The following AFF2 variants were observed in gnomAD, a reference collection of about 807,000 sequenced individuals.
The protein encoded by AFF2 is AF4/FMR2 family member 2.
A neutral mutation model predicts 76.9 loss-of-function variants in AFF2; 14 were observed. The ratio of observed to expected loss-of-function variants is 0.18; its 90% CI spans 0.12 to 0.28. The LOEUF is 0.28. AFF2 is among the 10% of genes least tolerant of loss of function. The pLI is 1.00. For synonymous variants in AFF2, 398 were observed against 366.7 expected, an observed-to-expected ratio of 1.09 and a Z score of -0.98; for missense variants, 868 against 1,001.1, an observed-to-expected ratio of 0.87 and a Z score of 1.79.
intron 3 of AFF2, among the ~76,000 whole-genome samples, chrX:148,756,043 A>G (rs1557266867): frequency 8.9e-6 from 1 of 112,254 alleles, no homozygotes; most frequent in Non-Finnish European, 1.9e-5. Flanking sequence ...GGATTCATAT[A>G]AAATAGGCTT....
At chrX:148,745,426 T>C (rs1311026441) in intron 3 of AFF2, among the ~76,000 whole-genome samples, 2 of 112,146 alleles carry the variant, frequency 1.8e-5, no homozygotes, top group African/African-American at 6.5e-5. Flanking sequence ...TCCGGAATTA[T>C]ATTTTTAGAA....
intron 8 of AFF2, among the ~76,000 whole-genome samples, chrX:148,903,493 A>C (rs1557281101): frequency 8.9e-6 from 1 of 112,168 alleles, no homozygotes; most frequent in African/African-American, 3.2e-5. Flanking sequence ...GAAGATCACT[A>C]GCTCTTTTCA....
chrX:148,963,082 A>T, intron 13 of AFF2, 145 bp downstream of exon 13: 1 of 453,368 alleles, frequency 2.2e-6, no homozygotes, highest in Non-Finnish European at 3.8e-6. Context: ...CAAATACACA[A>T]ACTTTCCATT....
At position 148,995,322 on chromosome X, in the gene AFF2, C is replaced by T. The variant is rs1557292916; in HGVS notation, c.*3990C>T. ...GATAGGCCGGTCTCAGACATTAATCCTACCATCTGATATTTTTGGTGAAGG... is the reference window on the plus strand; with the variant it reads ...GATAGGCCGGTCTCAGACATTAATCTTACCATCTGATATTTTTGGTGAAGG... On this transcript the variant is annotated 3_prime_UTR_variant, in exon 21 of 21. Coordinates refer to ENST00000370460, the MANE Select transcript of AFF2 (RefSeq NM_002025.4). 4 of 111,034 alleles carry T rather than the reference C, an allele frequency of 3.6e-5. No individual in the cohort carries two copies. In the East Asian group the frequency reaches 1.1e-3, roughly 32 times the overall value. 9.2% of individuals were successfully genotyped at this position (111,034 alleles called of 1,213,427 possible).
rs141164579 is a variant in AFF2 at position 148,760,855 on chromosome X, A to G, written c.1042-49021A>G. 5.5e-3 allele frequency among the ~76,000 whole-genome samples: 618 copies of G among 111,969 alleles called. 3 individuals carry two copies. The highest frequency in any genetic ancestry group is 0.019 in the African/African-American group (600 of 30,881). ...TGTCCTTAGAATATAACTAGGTAAG[A>G]TTTTAACATATTCCTGTGTTAAGCT... On this transcript the variant is annotated intron_variant, in intron 3 of 20. Transcript: ENST00000370460.
intron 3 of AFF2, among the ~76,000 whole-genome samples, chrX:148,675,955 A>G (rs1265426438): frequency 9.0e-6 from 1 of 111,322 alleles, no homozygotes; most frequent in Non-Finnish European, 1.9e-5. Flanking sequence ...GGTCTTATTC[A>G]ATACTGGAGG....
intron 8 of AFF2, among the ~76,000 whole-genome samples, chrX:148,891,684 G>T (rs1184827142): frequency 5.4e-5 from 6 of 111,410 alleles, no homozygotes; most frequent in African/African-American, 2.0e-4. Context: ...TAAACATGTA[G>T]TCTGGTGTCC....
At chrX:148,781,774 G>T (rs1400905341) in intron 3 of AFF2, among the ~76,000 whole-genome samples, 1 of 111,645 alleles carries the variant, frequency 9.0e-6, no homozygotes, top group East Asian at 2.8e-4. Context: ...AGCTAGCTCG[G>T]TGTCTGCCCA....
intron 9 of AFF2, among the ~76,000 whole-genome samples, chrX:148,936,514 A>C (rs1186504392): frequency 2.7e-5 from 3 of 112,634 alleles, no homozygotes; most frequent in African/African-American, 9.7e-5. Flanking sequence ...TGTTTGCTAA[A>C]TTGGAAGATT....
intron 1 of AFF2, among the ~76,000 whole-genome samples, chrX:148,628,716 T>C (rs1426448525): frequency 2.4e-4 from 27 of 112,378 alleles, no homozygotes; most frequent in Admixed American, 2.3e-3. Flanking sequence ...GTTAATGATA[T>C]GCTAATTGCT....
intron 3 of AFF2, among the ~76,000 whole-genome samples, chrX:148,774,570 C>T (rs1389060966): frequency 3.6e-5 from 4 of 111,180 alleles, no homozygotes; most frequent in Non-Finnish European, 7.5e-5. Flanking sequence ...TGTGTTTCCC[C>T]GGAGATATAC....
chrX:148,834,091 A>AT (rs1375712723), intron 4 of AFF2, among the ~76,000 whole-genome samples: 1 of 112,177 alleles, frequency 8.9e-6, no homozygotes, highest in Non-Finnish European at 1.9e-5. Flanking sequence ...GCCTTTTGTG[A>AT]TTTTGTGGGG....
At chrX:148,932,386 C>T (rs1219652968) in intron 9 of AFF2, among the ~76,000 whole-genome samples, 2 of 111,882 alleles carry the variant, frequency 1.8e-5, no homozygotes, top group African/African-American at 6.5e-5. Flanking sequence ...ATCTACCACT[C>T]TATTTGTTGT....
intron 15 of AFF2, among the ~76,000 whole-genome samples, chrX:148,972,087 T>C (rs2072269547): frequency 5.2e-4 from 1 of 1,934 alleles, no homozygotes; most frequent in East Asian, 5.5e-3. Context: ...TCCATGTCCC[T>C]ACAAAGGACA....
intron 4 of AFF2, among the ~76,000 whole-genome samples, chrX:148,829,499 G>A (rs782742391): frequency 1.8e-5 from 2 of 111,809 alleles, no homozygotes; most frequent in African/African-American, 3.3e-5. Flanking sequence ...GTCTCACTGT[G>A]AGACAATAGG....
chrX:148,532,044 C>A (rs782546283), intron 1 of AFF2, among the ~76,000 whole-genome samples: 1 of 110,838 alleles, frequency 9.0e-6, no homozygotes, highest in Non-Finnish European at 1.9e-5. Context: ...ATTTAGTAAG[C>A]CCTACTAAGA....
At chrX:148,666,657 T>A (rs1384856818) in intron 3 of AFF2, among the ~76,000 whole-genome samples, 1 of 111,093 alleles carries the variant, frequency 9.0e-6, no homozygotes, top group Non-Finnish European at 1.9e-5. Context: ...TAGAGTTTAT[T>A]AACATTCCTG....
At chrX:148,850,522 A>ACC (rs1289610682) in intron 7 of AFF2, among the ~76,000 whole-genome samples, 1 of 110,851 alleles carries the variant, frequency 9.0e-6, no homozygotes, top group Non-Finnish European at 1.9e-5. Context: ...GTGATAACAC[A>ACC]CCCCCACACA....
chrX:148,757,002 G>A (rs2055567395), intron 3 of AFF2, among the ~76,000 whole-genome samples: 1 of 111,833 alleles, frequency 8.9e-6, no homozygotes, highest in East Asian at 2.8e-4. Context: ...AATATGAGGA[G>A]GGTGAATTTT....
Sources: gnomAD v4.1 joint callset for allele counts (sites outside exome capture counted in the v4.1 genomes callset) on GRCh38, gnomAD v4.1.1 for gene constraint, MANE v1.5 for transcripts, NCBI Gene and HGNC (gene_info 2026-07-23, HGNC 2026-07-21) for gene names.